SYNPR: variants seen among roughly 807,000 people sequenced by gnomAD.
SYNPR encodes synaptoporin.
Under a neutral mutation model 32.9 loss-of-function variants are expected in SYNPR, and 23 were observed. The observed-to-expected ratio is 0.70, with a 90% CI of 0.50 to 0.99. The LOEUF is 0.99. Ranked by LOEUF, SYNPR falls within the 50% of genes least tolerant of loss-of-function variation. The pLI, the probability that SYNPR is intolerant of heterozygous loss-of-function variation, is 0.00. For missense variants in SYNPR, 318 were observed against 349.3 expected (o/e 0.91, Z 0.71); for synonymous variants, 146 against 135.9 (o/e 1.07, Z -0.52).
intron 2 of SYNPR, among the ~76,000 whole-genome samples, chr3:63,441,589 C>A (rs771165010): frequency 4.6e-5 from 7 of 152,090 alleles, no homozygotes; most frequent in Non-Finnish European, 8.8e-5. Context: ...GGCTTTTTTT[C>A]CCTGCTTCAG....
intron 2 of SYNPR, among the ~76,000 whole-genome samples, chr3:63,391,345 T>A (rs2088134993): frequency 6.6e-6 from 1 of 152,152 alleles, no homozygotes; most frequent in Non-Finnish European, 1.5e-5. Context: ...CCAAAGGATG[T>A]TCGTATCTTA....
chr3:63,442,968 C>A, intron 2 of SYNPR: 1 of 965,754 alleles, frequency 1.0e-6, no homozygotes, highest in Non-Finnish European at 1.2e-6. Flanking sequence ...AAAATTCTGG[C>A]TTTAAAAAAA....
At chr3:63,589,311 C>T (rs1020157238) in intron 4 of SYNPR, among the ~76,000 whole-genome samples, 2 of 152,054 alleles carry the variant, frequency 1.3e-5, no homozygotes, top group Non-Finnish European at 2.9e-5. Flanking sequence ...TCCTACAAAG[C>T]TATTATCACT....
chr3:63,536,241 C>A (rs61442694), intron 3 of SYNPR, among the ~76,000 whole-genome samples: 18,235 of 152,046 alleles, frequency 0.12, 1,248 homozygotes, highest in Middle Eastern at 0.22. Context: ...AACTTACATC[C>A]AGAATATATG....
intron 1 of SYNPR, among the ~76,000 whole-genome samples, chr3:63,244,444 T>C (rs1418528452): frequency 6.6e-6 from 1 of 152,020 alleles, no homozygotes; most frequent in Non-Finnish European, 1.5e-5. Flanking sequence ...CTCACTGCAA[T>C]CTGTGAATTG....
chr3:63,250,768 T>C lies in SYNPR; in HGVS notation n.67-1731T>C, dbSNP rs192190248. ...CCAGAATTACAACTCAGACTGCCTG[T>C]AGAGTTCACGTTAACCATGATGTCA... On this transcript the variant is annotated intron_variant and non_coding_transcript_variant, in intron 1 of 4. Transcript: ENST00000478456. Among the ~76,000 whole-genome samples, 409 of 152,312 alleles carry C rather than the reference T, an allele frequency of 2.7e-3. 2 individuals carry two copies. Among genetic ancestry groups the C allele is most frequent in the Non-Finnish European group, 4.7e-3 (317 of 68,024 alleles).
Position 63,616,517 on chromosome 3 carries a change from A to G in SYNPR, c.*1036A>G, listed in dbSNP as rs142675857. ...ATTTGTAAAGCTAATATGCTCCTCA[A>G]TGTAATTATTAAAAATTCTCAAGTC... is the stretch of plus-strand genomic sequence containing the variant. On this transcript the variant is annotated 3_prime_UTR_variant, in exon 6 of 6. Coordinates refer to ENST00000478300, the MANE Select transcript of SYNPR (RefSeq NM_001130003.2). The G allele has an allele frequency of 1.8e-4, 28 of 152,748 alleles. No individual in the cohort carries two copies. The highest frequency in any genetic ancestry group is 6.3e-4 in the African/African-American group (26 of 41,576). The allele number at this position is 152,748 out of a possible 1,614,324, so 9.5% of individuals were successfully genotyped here. A position where few individuals can be genotyped will look rare whatever the true frequency, so the allele number is the denominator to read the frequency against.
At chr3:63,472,680 A>G (rs1700826366) in intron 2 of SYNPR, among the ~76,000 whole-genome samples, 2 of 152,078 alleles carry the variant, frequency 1.3e-5, no homozygotes, top group Admixed American at 6.6e-5. Context: ...GGATTTGCCT[A>G]TTGTCTGGGG....
intron 5 of SYNPR, 115 bp downstream of exon 5, chr3:63,609,431 C>A: frequency 2.2e-6 from 2 of 907,180 alleles, no homozygotes; most frequent in Non-Finnish European, 1.6e-6. Context: ...CTAGGCCAAT[C>A]AAAAGGTGAG....
chr3:63,561,233 C>T (rs143934099), intron 4 of SYNPR, among the ~76,000 whole-genome samples: 27 of 152,160 alleles, frequency 1.8e-4, no homozygotes, highest in African/African-American at 5.5e-4. Flanking sequence ...GTGACAAGGA[C>T]GATAATAACA....
intron 2 of SYNPR, among the ~76,000 whole-genome samples, chr3:63,305,332 C>G (rs1242926082): frequency 6.6e-6 from 1 of 152,002 alleles, no homozygotes; most frequent in Non-Finnish European, 1.5e-5. Context: ...AATCCCTGAC[C>G]TTCAGAAATT....
intron 2 of SYNPR, among the ~76,000 whole-genome samples, chr3:63,284,565 A>G (rs1208273335): frequency 1.3e-5 from 2 of 152,220 alleles, no homozygotes; most frequent in Non-Finnish European, 2.9e-5. Context: ...CAGTGAATCC[A>G]AAGATGCAGC....
chr3:63,605,845 G>A (rs890817518), intron 4 of SYNPR, among the ~76,000 whole-genome samples: 1 of 152,246 alleles, frequency 6.6e-6, no homozygotes, highest in Non-Finnish European at 1.5e-5. Flanking sequence ...GTGAGTCTGA[G>A]CAGCAGACAG....
intron 3 of SYNPR, among the ~76,000 whole-genome samples, chr3:63,485,538 G>A (rs544509268): frequency 6.6e-6 from 1 of 152,184 alleles, no homozygotes; most frequent in African/African-American, 2.4e-5. Flanking sequence ...AAAGTGTGTC[G>A]AGCTGTGGGG....
At chr3:63,468,626 C>T (rs1223540235) in intron 2 of SYNPR, among the ~76,000 whole-genome samples, 1 of 152,106 alleles carries the variant, frequency 6.6e-6, no homozygotes, top group Non-Finnish European at 1.5e-5. Context: ...CATGTTGAAA[C>T]CCCATGTCTA....
intron 2 of SYNPR, among the ~76,000 whole-genome samples, chr3:63,411,850 T>G (rs1300536912): frequency 6.6e-6 from 1 of 152,122 alleles, no homozygotes; most frequent in East Asian, 1.9e-4. Flanking sequence ...CTAAAATCAG[T>G]AGGAGGCTAT....
At chr3:63,389,967 C>G (rs1207377220) in intron 2 of SYNPR, among the ~76,000 whole-genome samples, 3 of 152,228 alleles carry the variant, frequency 2.0e-5, no homozygotes, top group African/African-American at 4.8e-5. Context: ...CAAGCCCACT[C>G]TGGGCTCTGT....
intron 2 of SYNPR, among the ~76,000 whole-genome samples, chr3:63,381,800 C>T (rs1410089498): frequency 2.6e-5 from 4 of 152,140 alleles, no homozygotes; most frequent in Non-Finnish European, 5.9e-5. Flanking sequence ...TTCTCTTCTT[C>T]CTTTTTCCTG....
intron 2 of SYNPR, among the ~76,000 whole-genome samples, chr3:63,257,075 A>C (rs1175161138): frequency 6.6e-6 from 1 of 152,178 alleles, no homozygotes; most frequent in Non-Finnish European, 1.5e-5. Flanking sequence ...CTATGTGAAA[A>C]GACCAAATCT....
Sources: gnomAD v4.1 joint callset for allele counts (sites outside exome capture counted in the v4.1 genomes callset) on GRCh38, gnomAD v4.1.1 for gene constraint, MANE v1.5 for transcripts, NCBI Gene and HGNC (gene_info 2026-07-23, HGNC 2026-07-21) for gene names.